ZNF777: variants seen among roughly 807,000 people sequenced by gnomAD.
The protein encoded by ZNF777 is zinc finger protein 777.
ZNF777 carries 7 observed loss-of-function variants against 72.1 expected under a neutral mutation model. That is an observed-to-expected ratio of 0.10 (90% confidence interval 0.06 to 0.18). The LOEUF is 0.18. ZNF777 is among the 10% of genes least tolerant of loss of function. ZNF777 has a pLI of 1.00. For missense variants in ZNF777, 828 were observed against 1,128.6 expected (o/e 0.73, Z 3.82); for synonymous variants, 545 against 483.5 (o/e 1.13, Z -1.67).
At chr7:149,459,923 G>A (rs1799913419) in intron 1 of ZNF777, 40 of 950,934 alleles carry the variant, frequency 4.2e-5, no homozygotes, top group Non-Finnish European at 5.0e-5. Flanking sequence ...TCGCACGGAC[G>A]GCGGCGAGGC....
intron 3 of ZNF777, among the ~76,000 whole-genome samples, chr7:149,453,824 G>GA (rs1297832065): frequency 6.6e-6 from 1 of 152,232 alleles, no homozygotes; most frequent in Non-Finnish European, 1.5e-5. Context: ...TCCCCATGGG[G>GA]AAAAATATGA....
intron 2 of ZNF777, 24 bp from the exon 3 acceptor site, chr7:149,454,261 T>C: frequency 6.2e-7 from 1 of 1,613,414 alleles, no homozygotes; most frequent in Non-Finnish European, 8.5e-7. Context: ...ATAACTCGGC[T>C]CAGACCCGCT....
At chr7:149,459,818 G>A in intron 1 of ZNF777, 1 of 984,816 alleles carries the variant, frequency 1.0e-6, no homozygotes, top group Non-Finnish European at 1.2e-6. Context: ...CTACCCCGAC[G>A]GACGCAGCGC....
At position 149,455,487 on chromosome 7, in the gene ZNF777, G is replaced by T. The variant is rs772723399; in HGVS notation, c.536C>A (p.Pro179His). Residue 179 changes from proline to histidine, a missense_variant, in exon 2 of 6, where the codon CCC (proline) becomes CAC (histidine). Pro to His is a moderately conservative substitution (Grantham distance 77). This residue lies in a region of ZNF777 where 76 missense variants were observed against 157.3 expected (regional missense o/e 0.48). Coordinates refer to ENST00000247930, the MANE Select transcript of ZNF777 (RefSeq NM_015694.3). The surrounding 1 kb of genome is among the most constrained non-coding windows in gnomAD (Gnocchi z 4.2). ...SSAVQKEQPLPTAEITRLAVW... is the reference protein window; with the variant it reads ...SSAVQKEQPLHTAEITRLAVW... ...AGCCAAGCGGGTGATCTCTGCCGTG[G>T]GGAGCGGCTGTTCCTTCTGGACTGC... is the stretch of plus-strand genomic sequence containing the variant. 6 of 1,613,996 alleles carry T rather than the reference G, an allele frequency of 3.7e-6. No individual in the cohort carries two copies. Among genetic ancestry groups the T allele is most frequent in the Non-Finnish European group, 5.1e-6 (6 of 1,180,008 alleles).
At chr7:149,433,995 T>C (rs1055743915) in intron 5 of ZNF777, among the ~76,000 whole-genome samples, 2 of 151,828 alleles carry the variant, frequency 1.3e-5, no homozygotes, top group African/African-American at 4.9e-5. Context: ...GTTTGCAGAA[T>C]AATTAAAAAC....
Position 149,461,014 on chromosome 7 carries a change from A to T in ZNF777, c.-215T>A, listed in dbSNP as rs1292649936. The T allele has an allele frequency of 6.6e-6, 1 of 152,252 alleles. No individual in the cohort carries two copies. The highest frequency in any genetic ancestry group is 1.9e-4 in the East Asian group (1 of 5,194). The allele number at this position is 152,252 out of a possible 1,614,324, so 9.4% of individuals were successfully genotyped here. A position where few individuals can be genotyped will look rare whatever the true frequency, so the allele number is the denominator to read the frequency against. On this transcript the variant is annotated 5_prime_UTR_variant, in exon 1 of 6. Coordinates refer to ENST00000247930, the MANE Select transcript of ZNF777 (RefSeq NM_015694.3). ...GTTCCCTTTCAAAACCTGCGCTCACAAAGGGATCTAAGAAACCCGTCACAC... is the reference window on the plus strand; with the variant it reads ...GTTCCCTTTCAAAACCTGCGCTCACTAAGGGATCTAAGAAACCCGTCACAC...
At chr7:149,458,514 A>G (rs1799877870) in intron 1 of ZNF777, among the ~76,000 whole-genome samples, 1 of 151,406 alleles carries the variant, frequency 6.6e-6, no homozygotes, top group Non-Finnish European at 1.5e-5. Context: ...AACAAAACAA[A>G]ACAAAACAAA....
At chr7:149,459,250 T>C (rs1369915600) in intron 1 of ZNF777, among the ~76,000 whole-genome samples, 1 of 152,180 alleles carries the variant, frequency 6.6e-6, no homozygotes, top group African/African-American at 2.4e-5. Context: ...GCAGTAATCC[T>C]CTCACTAGCA....
At chr7:149,453,202 C>T (rs1408306272) in intron 3 of ZNF777, among the ~76,000 whole-genome samples, 1 of 152,004 alleles carries the variant, frequency 6.6e-6, no homozygotes, top group Non-Finnish European at 1.5e-5. Flanking sequence ...GGGAGTGGTA[C>T]TGGTGAATGG....
rs1799936766 is a variant in ZNF777 at position 149,460,891 on chromosome 7, G to C, written c.-92C>G. On this transcript the variant is annotated 5_prime_UTR_variant, in exon 1 of 6. Transcript: ENST00000247930. The surrounding 1 kb of genome is among the most constrained non-coding windows in gnomAD (Gnocchi z 6.1). ...GGCGGAGGCGCAGTCGGAGCGCGCAGCCCAGGCGACGTGCTGGGGTCTGGA... is the reference window on the plus strand; with the variant it reads ...GGCGGAGGCGCAGTCGGAGCGCGCACCCCAGGCGACGTGCTGGGGTCTGGA... 6.6e-6 allele frequency: 1 copy of C among 152,306 alleles called. No individual in the cohort carries two copies. The highest frequency in any genetic ancestry group is 1.5e-5 in the Non-Finnish European group (1 of 68,150). 9.4% of individuals were successfully genotyped at this position (152,306 alleles called of 1,614,324 possible).
Position 149,459,931 on chromosome 7 carries a change from G to C in ZNF777, c.-16+884C>G, listed in dbSNP as rs1799913571. ...GCCTCCCTCGCACGGACGGCGGCGA[G>C]GCCCGTAGCCCTCCCCCACCGCCCG... On this transcript the variant is annotated intron_variant, in intron 1 of 5. Transcript: ENST00000247930. The C allele has an allele frequency of 2.1e-6, 2 of 946,662 alleles. 1 individual carries two copies. Among genetic ancestry groups the C allele is most frequent in the South Asian group, 9.7e-5 (2 of 20,552 alleles). 58.6% of individuals were successfully genotyped at this position (946,662 alleles called of 1,614,324 possible).
Position 149,460,128 on chromosome 7 carries a change from C to T in ZNF777, c.-16+687G>A. 5.1e-6 allele frequency: 5 copies of T among 981,260 alleles called. No individual in the cohort carries two copies. Among genetic ancestry groups the T allele is most frequent in the Non-Finnish European group, 6.0e-6 (5 of 828,222 alleles). The allele number at this position is 981,260 out of a possible 1,614,324, so 60.8% of individuals were successfully genotyped here. A position where few individuals can be genotyped will look rare whatever the true frequency, so the allele number is the denominator to read the frequency against. On this transcript the variant is annotated intron_variant, in intron 1 of 5. Coordinates refer to ENST00000247930, the MANE Select transcript of ZNF777 (RefSeq NM_015694.3). This position sits in a 1 kb window ranked among gnomAD's most constrained non-coding sequence, Gnocchi z 6.1. ...CGCGCGCGGGCCGCCCTCACAGGAG[C>T]CGGGGCCGCCTCGGCCATGGCCCTG...
Position 149,456,001 on chromosome 7 carries a change from G to A in ZNF777, c.22C>T (p.Pro8Ser). The A allele has an allele frequency of 1.3e-6, 2 of 1,594,968 alleles. No individual in the cohort carries two copies. The highest frequency in any genetic ancestry group is 8.5e-7 in the Non-Finnish European group (1 of 1,170,038). MENQRSS[P>S]LSFPSVPQEE... ...TGTGGAACACTGGGGAACGACAGAG[G>A]TGATGAGCGTTGGTTCTCCATGTCC... The change falls in exon 2 of 6, where the codon CCT becomes TCT. Residue 8 changes from proline (P) to serine (S), a missense_variant. Physicochemically the swap from Pro to Ser is moderately conservative, Grantham distance 74. Transcript: ENST00000247930.
rs11762125 is a variant in ZNF777 at position 149,436,825 on chromosome 7, C to T, written c.1089G>A (p.Ala363=). Residue 363 remains alanine (A), a splice_region_variant and synonymous_variant, in exon 5 of 6, where the codon GCG becomes GCA. Coordinates refer to ENST00000247930, the MANE Select transcript of ZNF777 (RefSeq NM_015694.3). The surrounding 1 kb of genome is among the most constrained non-coding windows in gnomAD (Gnocchi z 5.0). The part of the protein sequence containing the change: ...EGETPTDPSA[A]HDGIVIKIEV... ...CGATCTTAATCACGATCCCATCGTG[C>T]GCTGAGAGAGGGTGGGCAGGGGTGA... 122,591 of 1,604,698 alleles carry T rather than the reference C, an allele frequency of 0.076. 5,221 individuals carry two copies. Among genetic ancestry groups the T allele is most frequent in the Middle Eastern group, 0.13 (770 of 6,032 alleles).
rs1487357697 is a variant in ZNF777, at chr7:149,455,534, G to A, written c.489C>T (p.Asp163=). 1 of 1,613,926 alleles carries A rather than the reference G, an allele frequency of 6.2e-7. No homozygotes were observed. The highest frequency in any genetic ancestry group is 1.1e-5 in the South Asian group (1 of 91,060). The change falls in exon 2 of 6, where the codon GAC becomes GAT. Residue 163 remains aspartate, a synonymous_variant. Transcript: ENST00000247930. The surrounding 1 kb of genome is among the most constrained non-coding windows in gnomAD (Gnocchi z 4.2). ...PLLQSPVSQK[D]TPFQISSAVQ... is the part of the protein sequence containing the mutation. ...CTGCAGAAGAGATCTGGAAAGGGGT[G>A]TCCTTTTGGGAAACCGGGCTCTGGA...
At chr7:149,435,923 G>T (rs184582990) in intron 5 of ZNF777, among the ~76,000 whole-genome samples, 446 of 152,280 alleles carry the variant, frequency 2.9e-3, no homozygotes, top group Admixed American at 6.7e-3. Context: ...AAGTCCAATA[G>T]TGAATTCAAA....
intron 1 of ZNF777, chr7:149,459,833 C>A (rs1799911182): frequency 1.0e-6 from 1 of 984,822 alleles, no homozygotes; most frequent in Non-Finnish European, 1.2e-6. Context: ...CAGCGCGGGC[C>A]CCGCAGGGAG....
rs563378729 is a variant in ZNF777 at position 149,440,679 on chromosome 7, T to G, written c.1088-3853A>C. Among the ~76,000 whole-genome samples, 644 of 143,726 alleles carry G rather than the reference T, an allele frequency of 4.5e-3. 6 individuals are homozygous for G. The highest frequency in any genetic ancestry group is 0.016 in the African/African-American group (568 of 35,112). 94.3% of individuals were successfully genotyped at this position (143,726 alleles called of 152,430 possible). On this transcript the variant is annotated intron_variant, in intron 4 of 5. Coordinates refer to ENST00000247930, the MANE Select transcript of ZNF777 (RefSeq NM_015694.3). ...AGCAGCCTGTTGTTTTTTTGTTTTTTTTTTTTTTTTTTTAAATAATGGGAG... is the reference window on the plus strand; with the variant it reads ...AGCAGCCTGTTGTTTTTTTGTTTTTGTTTTTTTTTTTTTAAATAATGGGAG...
At chr7:149,448,586 T>TATA (rs1305107373) in intron 4 of ZNF777, among the ~76,000 whole-genome samples, 3 of 22,228 alleles carry the variant, frequency 1.3e-4, no homozygotes, top group Non-Finnish European at 2.2e-4. Flanking sequence ...TAACTATATA[T>TATA]ATATATATAT....
Sources: gnomAD v4.1 joint callset for allele counts (sites outside exome capture counted in the v4.1 genomes callset) on GRCh38, gnomAD v4.1.1 for gene constraint, gnomAD v4.1.1 regional missense constraint, Gnocchi (gnomAD v3.1) non-coding constraint, MANE v1.5 for transcripts, NCBI Gene and HGNC (gene_info 2026-07-23, HGNC 2026-07-21) for gene names.